Variants in RUVBL1 observed in about 807,000 individuals in gnomAD.
RUVBL1 encodes ruvB-like 1.
Under a neutral mutation model 52.4 loss-of-function variants are expected in RUVBL1, and 4 were observed. The observed-to-expected ratio is 0.08, with a 90% CI of 0.04 to 0.17. The LOEUF (loss-of-function observed/expected upper bound fraction) is 0.17. Ranked by LOEUF, RUVBL1 falls within the 10% of genes least tolerant of loss-of-function variation. The pLI is 1.00. For synonymous variants in RUVBL1, 217 were observed against 214.4 expected (o/e 1.01, Z -0.10); for missense variants, 298 against 572.8 (o/e 0.52, Z 4.90).
At chr3:128,120,605 G>C (rs1229852514) in intron 1 of RUVBL1, among the ~76,000 whole-genome samples, 2 of 152,106 alleles carry the variant, frequency 1.3e-5, no homozygotes, top group Non-Finnish European at 2.9e-5. Context: ...AACTGAATAC[G>C]TGACTATCTA....
At chr3:128,114,581 C>A (rs1943472344) in intron 2 of RUVBL1, among the ~76,000 whole-genome samples, 1 of 152,146 alleles carries the variant, frequency 6.6e-6, no homozygotes, top group Non-Finnish European at 1.5e-5. Flanking sequence ...GGCCTGCAGT[C>A]TCATGGTGAC....
At chr3:128,153,644 G>T in exon 1 of RUVBL1, 1 of 1,598,358 alleles carries the variant, frequency 6.3e-7, no homozygotes, top group South Asian at 1.1e-5. Flanking sequence ...CGCGAGCGCG[G>T]CATCACGCTC....
intron 9 of RUVBL1, chr3:128,068,528 T>C (rs1942053280): frequency 6.1e-6 from 1 of 163,128 alleles, no homozygotes; most frequent in African/African-American, 2.4e-5. Flanking sequence ...CGGAAGGGGT[T>C]GATGTGCATC....
rs114892242 is a variant in RUVBL1 at position 128,108,102 on chromosome 3, G to A, written c.362-3178C>T. 3.0e-3 allele frequency among the ~76,000 whole-genome samples: 453 copies of A among 152,336 alleles called. 4 individuals are homozygous for A. Among genetic ancestry groups the A allele is most frequent in the African/African-American group, 0.01 (431 of 41,564 alleles). ...AACACAAATGACACAGGTTTCATCT[G>A]CTGGCTCAGGTTTCTATATCCCTGA... On this transcript the variant is annotated intron_variant, in intron 3 of 10. Coordinates refer to ENST00000322623, the MANE Select transcript of RUVBL1 (RefSeq NM_003707.3).
intron 9 of RUVBL1, chr3:128,069,745 C>A: frequency 9.1e-7 from 1 of 1,103,584 alleles, no homozygotes; most frequent in Non-Finnish European, 1.3e-6. Context: ...GCTGCTGCGG[C>A]ATATGGACTT....
rs1559827379 is a variant in RUVBL1 at position 128,119,352 on chromosome 3, C to T, written c.204G>A (p.Leu68=). 6.2e-7 allele frequency: 1 copy of T among 1,613,974 alleles called. No homozygotes were observed. The highest frequency in any genetic ancestry group is 1.3e-5 in the African/African-American group (1 of 75,042). Residue 68 remains leucine (L), a synonymous_variant, in exon 2 of 11, where the codon TTG becomes TTA. Transcript: ENST00000322623. ...SKKMAGRAVL[L]AGPPGTGKTA... ...CCTTGCCAGTTCCAGGAGGTCCTGC[C>T]AACAAGACAGCTCTTCCAGCCATTT...
intron 1 of RUVBL1, among the ~76,000 whole-genome samples, chr3:128,136,381 C>G (rs1302453033): frequency 6.6e-6 from 1 of 152,000 alleles, no homozygotes; most frequent in African/African-American, 2.4e-5. Context: ...CCTGTAATCC[C>G]AGCACTTTAG....
chr3:128,131,085 C>T (rs919813771), intron 1 of RUVBL1, among the ~76,000 whole-genome samples: 3 of 152,060 alleles, frequency 2.0e-5, no homozygotes, highest in Non-Finnish European at 4.4e-5. Context: ...CACCACTGCA[C>T]TTTAGCTTGG....
intron 1 of RUVBL1, among the ~76,000 whole-genome samples, chr3:128,144,545 G>T (rs994238802): frequency 1.3e-5 from 2 of 152,218 alleles, no homozygotes; most frequent in East Asian, 1.9e-4. Flanking sequence ...TGTTGCAGAG[G>T]AGGATGTCTT....
chr3:128,077,672 C>T (rs759502868), downstream of RUVBL1, among the ~76,000 whole-genome samples: 17 of 152,224 alleles, frequency 1.1e-4, no homozygotes, highest in Non-Finnish European at 2.2e-4. Flanking sequence ...CCCGTGCTAC[C>T]CCCTCTGCTC....
chr3:128,097,648 C>G (rs911580453), intron 7 of RUVBL1, 150 bp from the exon 8 acceptor site: 1 of 692,290 alleles, frequency 1.4e-6, no homozygotes, highest in Admixed American at 2.3e-5. Flanking sequence ...TGTCCCCACT[C>G]CAGGTTTCAG....
At chr3:128,096,061 T>C (rs1162550268) in intron 8 of RUVBL1, among the ~76,000 whole-genome samples, 1 of 152,172 alleles carries the variant, frequency 6.6e-6, no homozygotes, top group East Asian at 1.9e-4. Flanking sequence ...CCTGAGATAC[T>C]CATGGGCCAC....
chr3:128,138,230 C>T (rs892811193), intron 1 of RUVBL1, among the ~76,000 whole-genome samples: 3 of 151,758 alleles, frequency 2.0e-5, no homozygotes, highest in Admixed American at 6.6e-5. Context: ...GCATTCAAAT[C>T]GGAAAGAAAG....
chr3:128,103,580 C>T (rs1321682061), intron 4 of RUVBL1, among the ~76,000 whole-genome samples: 1 of 152,144 alleles, frequency 6.6e-6, no homozygotes, highest in African/African-American at 2.4e-5. Flanking sequence ...CAATCTCCTG[C>T]AGTTTATAGA....
intron 2 of RUVBL1, among the ~76,000 whole-genome samples, chr3:128,118,723 C>A (rs1943579789): frequency 6.6e-6 from 1 of 152,180 alleles, no homozygotes; most frequent in African/African-American, 2.4e-5. Context: ...AGTCTCAACC[C>A]TTCCAGCTGT....
At chr3:128,131,581 T>C (rs934966490) in intron 1 of RUVBL1, among the ~76,000 whole-genome samples, 1 of 152,092 alleles carries the variant, frequency 6.6e-6, no homozygotes, top group African/African-American at 2.4e-5. Flanking sequence ...GCAACAATTC[T>C]CAACAAAATT....
At chr3:128,094,811 G>T (rs1447599424) in intron 8 of RUVBL1, among the ~76,000 whole-genome samples, 1 of 152,184 alleles carries the variant, frequency 6.6e-6, no homozygotes, top group African/African-American at 2.4e-5. Flanking sequence ...AGGAAGCCCT[G>T]TAGTTCCCCT....
chr3:128,081,305 T>C lies in RUVBL1; in HGVS notation c.1316A>G (p.Asp439Gly). The C allele has an allele frequency of 1.9e-6, 3 of 1,614,232 alleles. No homozygotes were observed. Among genetic ancestry groups the C allele is most frequent in the Non-Finnish European group, 2.5e-6 (3 of 1,180,046 alleles). Reference protein sequence around the residue: ...HVEEISELFYDAKSSAKILAD... With the variant: ...HVEEISELFYGAKSSAKILAD... ...CAGGATTTTGGCGGAGGACTTGGCA[T>C]CATAGAAAAGTTCACTGATCTCTTC... The change falls in exon 11 of 11, where the codon GAT becomes GGT. Residue 439 changes from aspartate (D) to glycine (G), a missense_variant. Physicochemically the swap from Asp to Gly is moderately conservative, Grantham distance 94 (BLOSUM62 -1). Transcript: ENST00000322623. The surrounding 1 kb of genome is among the most constrained non-coding windows in gnomAD (Gnocchi z 4.8).
chr3:128,102,657 T>G (rs1009882416), intron 4 of RUVBL1, among the ~76,000 whole-genome samples: 7 of 152,186 alleles, frequency 4.6e-5, no homozygotes, highest in African/African-American at 1.7e-4. Context: ...GAAAGTAGAT[T>G]AGTAGTTGCC....
Sources: gnomAD v4.1 joint callset for allele counts (sites outside exome capture counted in the v4.1 genomes callset) on GRCh38, gnomAD v4.1.1 for gene constraint, Gnocchi (gnomAD v3.1) non-coding constraint, MANE v1.5 for transcripts, NCBI Gene and HGNC (gene_info 2026-07-23, HGNC 2026-07-21) for gene names.